ZNF236: variants seen among roughly 807,000 people sequenced by gnomAD.
The protein encoded by ZNF236 is regulated by glucose.
ZNF236 carries 50 observed loss-of-function variants against 191.2 expected under a neutral mutation model. That is an observed-to-expected ratio of 0.26 (90% CI 0.21 to 0.33). The LOEUF (loss-of-function observed/expected upper bound fraction) is 0.33, where lower values mean the gene tolerates loss of function less well. Ranked by LOEUF, ZNF236 falls within the 10% of genes least tolerant of loss-of-function variation. The pLI, the probability that ZNF236 is intolerant of heterozygous loss-of-function variation, is 1.00. For missense variants in ZNF236, 1,754 were observed against 2,374.5 expected (o/e 0.74, Z 5.43); for synonymous variants, 907 against 928.8 (o/e 0.98, Z 0.43).
rs1968918279 is a variant in ZNF236 at position 76,972,318 on chromosome 18, T to C, written c.*3979T>C. On this transcript the variant is annotated 3_prime_UTR_variant, in exon 31 of 31. Coordinates refer to ENST00000320610, the MANE Select transcript of ZNF236 (RefSeq NM_001306089.2). ...ATATTCCTAGCAGAGACATGTTCTT[T>C]GTCATGGTGTGGCTTGCCACAACAT... 6.6e-6 allele frequency among the ~76,000 whole-genome samples: 1 copy of C among 152,242 alleles called. No individual in the cohort carries two copies. Among genetic ancestry groups the C allele is most frequent in the African/African-American group, 2.4e-5 (1 of 41,462 alleles).
intron 27 of ZNF236, among the ~76,000 whole-genome samples, chr18:76,950,918 G>A (rs1179182783): frequency 6.6e-6 from 1 of 152,228 alleles, no homozygotes; most frequent in Admixed American, 6.5e-5. Flanking sequence ...AGACATGAAA[G>A]CAACATTCAT....
chr18:76,892,565 T>C (rs1324992514), intron 9 of ZNF236, among the ~76,000 whole-genome samples: 1 of 151,756 alleles, frequency 6.6e-6, no homozygotes, highest in Non-Finnish European at 1.5e-5. Flanking sequence ...TATTTACTAA[T>C]ATATATATAT....
intron 1 of ZNF236, among the ~76,000 whole-genome samples, chr18:76,828,577 G>A (rs992739617): frequency 6.6e-6 from 1 of 152,226 alleles, no homozygotes; most frequent in African/African-American, 2.4e-5. Context: ...GCTTAAAACA[G>A]TAACTTTCTA....
At chr18:76,955,338 G>A (rs961447125) in intron 27 of ZNF236, among the ~76,000 whole-genome samples, 3 of 152,164 alleles carry the variant, frequency 2.0e-5, no homozygotes, top group African/African-American at 7.2e-5. Context: ...GATTGCTTGA[G>A]CCCAGGAGTT....
At chr18:76,934,427 A>G (rs1223941309) in intron 25 of ZNF236, among the ~76,000 whole-genome samples, 1 of 152,186 alleles carries the variant, frequency 6.6e-6, no homozygotes, top group Non-Finnish European at 1.5e-5. Context: ...AATTTAGCAC[A>G]ACTTTTTAAG....
At position 76,866,559 on chromosome 18, in the gene ZNF236, C is replaced by T. The variant is rs75049058; in HGVS notation, c.364-2126C>T. On this transcript the variant is annotated intron_variant, in intron 3 of 30. Transcript: ENST00000320610. ...TGCAGTCAGTACCTAGCATTGCACG[C>T]TCTGGTCTTTTAGAGATGATCGTAT... Among the ~76,000 whole-genome samples the T allele has an allele frequency of 2.5e-3, 382 of 152,328 alleles. 3 individuals are homozygous for T. The highest frequency in any genetic ancestry group is 8.9e-3 in the African/African-American group (368 of 41,566).
At chr18:76,846,411 G>A (rs1288500557) in intron 1 of ZNF236, among the ~76,000 whole-genome samples, 6 of 152,226 alleles carry the variant, frequency 3.9e-5, no homozygotes, top group Admixed American at 3.9e-4. Flanking sequence ...CAAGCGAAGT[G>A]GGGGCAGTGG....
At chr18:76,894,770 C>T (rs1977350615) in intron 9 of ZNF236, among the ~76,000 whole-genome samples, 1 of 152,216 alleles carries the variant, frequency 6.6e-6, no homozygotes, top group East Asian at 1.9e-4. Flanking sequence ...GCCGCTGGAC[C>T]TACCGAATCA....
intron 10 of ZNF236, 88 bp downstream of exon 10, chr18:76,895,373 C>T: frequency 1.3e-6 from 2 of 1,513,460 alleles, no homozygotes; most frequent in Non-Finnish European, 1.8e-6. Flanking sequence ...AGGTATGGCA[C>T]ACAGTAGGCA....
At chr18:76,889,219 G>A (rs1480669622) in intron 9 of ZNF236, among the ~76,000 whole-genome samples, 1 of 152,194 alleles carries the variant, frequency 6.6e-6, no homozygotes, top group African/African-American at 2.4e-5. Flanking sequence ...CACCGGCAGG[G>A]CCACCTTATT....
In ZNF236 at chr18:76,895,221, C is replaced by T; in HGVS notation, c.1626C>T (p.Cys542=). 1 of 1,601,004 alleles carries T rather than the reference C, an allele frequency of 6.2e-7. No homozygotes were observed. The highest frequency in any genetic ancestry group is 1.3e-5 in the African/African-American group (1 of 75,058). The change falls in exon 10 of 31, where the codon TGC becomes TGT. Residue 542 remains cysteine, a synonymous_variant. Coordinates refer to ENST00000320610, the MANE Select transcript of ZNF236 (RefSeq NM_001306089.2). ...KTHTGIKAFK[C]QYCMKSFSTS... ...ACACCGGCATCAAGGCGTTCAAGTG[C>T]CAGTACTGCATGAAGAGCTTCTCCA... is the stretch of plus-strand genomic sequence containing the variant.
intron 17 of ZNF236, 71 bp downstream of exon 17, chr18:76,912,418 C>G: frequency 9.2e-7 from 1 of 1,084,904 alleles, no homozygotes; most frequent in Non-Finnish European, 1.4e-6. Context: ...GTGTTTGCCC[C>G]GCTCCAAGGG....
At chr18:76,868,906 T>A in intron 4 of ZNF236, 43 bp downstream of exon 4, 3 of 1,527,086 alleles carry the variant, frequency 2.0e-6, no homozygotes, top group Non-Finnish European at 2.6e-6. Context: ...CCATCTAATA[T>A]GTTAAAAGCT....
chr18:76,823,245 G>A, intron 1 of ZNF236, among the ~76,000 whole-genome samples: 1 of 150,982 alleles, frequency 6.6e-6, no homozygotes, highest in East Asian at 2.0e-4. Context: ...GCGCAGGGTC[G>A]TGCACACAGT....
intron 1 of ZNF236, among the ~76,000 whole-genome samples, chr18:76,840,622 A>ATT (rs10659204): frequency 0.23 from 26,705 of 115,418 alleles, 4,898 homozygotes; most frequent in East Asian, 0.32. Flanking sequence ...GTAAAGGTGA[A>ATT]TTTTTTTTTT....
chr18:76,881,277 G>A lies in ZNF236; in HGVS notation c.1189-7G>A. 1 of 1,612,860 alleles carries A rather than the reference G, an allele frequency of 6.2e-7. No homozygotes were observed. Among genetic ancestry groups the A allele is most frequent in the African/African-American group, 1.3e-5 (1 of 74,936 alleles). On this transcript the variant is annotated splice_polypyrimidine_tract_variant and splice_region_variant and intron_variant, in intron 8 of 30. Transcript: ENST00000320610. The stretch of plus-strand genomic sequence containing the variant: ...CCTTCTAACCTTTTAGTTTTGTTCT[G>A]TCTTAGCAAGCCTTAGAAAACAGTG...
At position 76,851,783 on chromosome 18, in the gene ZNF236, A is replaced by G. The variant is rs758026169; in HGVS notation, c.207A>G (p.Arg69=). ...RDHERNDKPH[R]CDQCPQTFNV... ...CTTTTCTCTCCAAATAGCCACATCGATGTGACCAGTGCCCCCAAACATTTA... is the reference window on the plus strand; with the variant it reads ...CTTTTCTCTCCAAATAGCCACATCGGTGTGACCAGTGCCCCCAAACATTTA... The change falls in exon 3 of 31, where the codon CGA becomes CGG. Residue 69 remains arginine (R), a synonymous_variant. Coordinates refer to ENST00000320610, the MANE Select transcript of ZNF236 (RefSeq NM_001306089.2). 4.3e-6 allele frequency: 7 copies of G among 1,612,254 alleles called. No individual in the cohort carries two copies. The highest frequency in any genetic ancestry group is 5.9e-6 in the Non-Finnish European group (7 of 1,179,338).
chr18:76,856,817 A>G (rs761308362), intron 3 of ZNF236, among the ~76,000 whole-genome samples: 5 of 152,128 alleles, frequency 3.3e-5, no homozygotes, highest in Admixed American at 6.5e-5. Flanking sequence ...TTAAATTGTC[A>G]TGGACTCAAA....
At chr18:76,904,976 G>A (rs1005140880) in intron 12 of ZNF236, among the ~76,000 whole-genome samples, 179 bp from the exon 13 acceptor site, 1 of 152,178 alleles carries the variant, frequency 6.6e-6, no homozygotes, top group Non-Finnish European at 1.5e-5. Context: ...GAGGCAGGTC[G>A]CTTAAGCACT....
Sources: allele counts gnomAD v4.1 joint callset (sites outside exome capture counted in the v4.1 genomes callset), GRCh38; gene constraint gnomAD v4.1.1; transcripts MANE v1.5; gene names NCBI Gene and HGNC (gene_info 2026-07-23, HGNC 2026-07-21).